RGS6: variants seen among roughly 807,000 people sequenced by gnomAD.
RGS6 encodes regulator of G protein signaling 6.
A neutral mutation model predicts 78.5 loss-of-function variants in RGS6; 30 were observed. The ratio of observed to expected loss-of-function variants is 0.38; its 90% CI spans 0.29 to 0.52. The LOEUF is 0.52. Ranked by LOEUF, RGS6 falls within the 20% of genes least tolerant of loss-of-function variation. The probability of loss-of-function intolerance (pLI) is 0.85; values close to 1 mark genes in which losing one functional copy is unlikely to be tolerated. For missense variants in RGS6, 495 were observed against 609.7 expected (o/e 0.81, Z 1.98); for synonymous variants, 206 against 206.0 (o/e 1.00, Z 0.00).
At chr14:72,321,773 A>C (rs1234286723) in intron 2 of RGS6, among the ~76,000 whole-genome samples, 1 of 152,050 alleles carries the variant, frequency 6.6e-6, no homozygotes, top group African/African-American at 2.4e-5. Flanking sequence ...AAATAGACCC[A>C]AAAGATGACA....
intron 2 of RGS6, among the ~76,000 whole-genome samples, chr14:72,042,132 T>TC (rs1555448965): frequency 8.6e-6 from 1 of 116,316 alleles, no homozygotes; most frequent in Non-Finnish European, 1.9e-5. Flanking sequence ...TCTTTTTCTT[T>TC]TTTTTTTTTT....
At chr14:71,891,081 C>T in the RGS6 span, among the ~76,000 whole-genome samples, 1 of 152,174 alleles carries the variant, frequency 6.6e-6, no homozygotes, top group African/African-American at 2.4e-5. Flanking sequence ...GACTGTTTGC[C>T]AGAACCTGCC....
chr14:72,251,773 G>T (rs2055847081), intron 2 of RGS6, among the ~76,000 whole-genome samples: 1 of 152,044 alleles, frequency 6.6e-6, no homozygotes, highest in African/African-American at 2.4e-5. Context: ...TCACTACCTG[G>T]GCAATAGGAT....
chr14:72,416,761 G>A (rs1448019948), intron 3 of RGS6, among the ~76,000 whole-genome samples: 2 of 152,230 alleles, frequency 1.3e-5, no homozygotes, highest in Non-Finnish European at 2.9e-5. Flanking sequence ...TCTAAAGAGT[G>A]TGGTTAAGAG....
chr14:72,619,622 TCTC>T, the RGS6 span, among the ~76,000 whole-genome samples: 1 of 152,086 alleles, frequency 6.6e-6, no homozygotes, highest in Non-Finnish European at 1.5e-5. Context: ...CTGCGCCAGT[TCTC>T]CTGGAAGCTC....
At chr14:72,091,150 G>T (rs1040725662) in intron 2 of RGS6, among the ~76,000 whole-genome samples, 1 of 151,868 alleles carries the variant, frequency 6.6e-6, no homozygotes, top group African/African-American at 2.4e-5. Flanking sequence ...CCACAGATCT[G>T]CAGTGCCCTT....
At chr14:72,469,294 C>T (rs1237466039) in intron 7 of RGS6, among the ~76,000 whole-genome samples, 1 of 151,646 alleles carries the variant, frequency 6.6e-6, no homozygotes, top group African/African-American at 2.4e-5. Context: ...AACCTCCCCA[C>T]CTCCCGGGTT....
At chr14:72,256,048 CACAG>C (rs2057010689) in intron 2 of RGS6, among the ~76,000 whole-genome samples, 1 of 152,162 alleles carries the variant, frequency 6.6e-6, no homozygotes. Context: ...TTGCCTGCTG[CACAG>C]ACAGAGCCAA....
At chr14:72,316,647 T>C (rs952148633) in intron 2 of RGS6, among the ~76,000 whole-genome samples, 1 of 152,186 alleles carries the variant, frequency 6.6e-6, no homozygotes, top group Non-Finnish European at 1.5e-5. Flanking sequence ...TGATGGACAT[T>C]TGGGTTGGTT....
intron 2 of RGS6, among the ~76,000 whole-genome samples, chr14:72,122,690 T>G (rs2096078998): frequency 6.6e-6 from 1 of 151,484 alleles, no homozygotes; most frequent in Non-Finnish European, 1.5e-5. Context: ...TCATTTCACC[T>G]CCTCTGTTCT....
intron 2 of RGS6, among the ~76,000 whole-genome samples, chr14:72,238,283 C>T (rs1344651314): frequency 2.6e-5 from 4 of 152,044 alleles, no homozygotes; most frequent in Admixed American, 6.6e-5. Context: ...AGAGGGGGAG[C>T]GGGTAGGCCA....
At chr14:72,036,609 A>C (rs2091750706) in intron 2 of RGS6, among the ~76,000 whole-genome samples, 3 of 152,086 alleles carry the variant, frequency 2.0e-5, no homozygotes, top group Admixed American at 6.6e-5. Flanking sequence ...TTATTTGCCG[A>C]CCCTACGTCC....
chr14:72,504,861 C>T (rs1056761614), intron 13 of RGS6, among the ~76,000 whole-genome samples: 1 of 151,250 alleles, frequency 6.6e-6, no homozygotes, highest in African/African-American at 2.4e-5. Flanking sequence ...TCAAGCAATT[C>T]TCCTTCCTGA....
chr14:72,379,807 TAGAA>T (rs774524411), intron 3 of RGS6, among the ~76,000 whole-genome samples: 19 of 151,854 alleles, frequency 1.3e-4, no homozygotes, highest in South Asian at 2.1e-4. Context: ...TTCACAGAAA[TAGAA>T]AGAATCATAA....
intron 2 of RGS6, among the ~76,000 whole-genome samples, chr14:72,092,172 C>T (rs2153503778): frequency 6.6e-6 from 1 of 151,874 alleles, no homozygotes; most frequent in East Asian, 2.0e-4. Context: ...ATTACAGGTG[C>T]ACGCCACCAC....
At chr14:72,608,335 T>A in the RGS6 span, among the ~76,000 whole-genome samples, 1 of 152,200 alleles carries the variant, frequency 6.6e-6, no homozygotes, top group African/African-American at 2.4e-5. Context: ...AGGAGTCCTA[T>A]ACCCACAGGC....
chr14:71,980,402 G>A (rs2094388565), intron 2 of RGS6, among the ~76,000 whole-genome samples: 2 of 151,506 alleles, frequency 1.3e-5, no homozygotes, highest in African/African-American at 2.4e-5. Context: ...GCTGGTACCG[G>A]TTGTTCTTTT....
At chr14:72,040,056 C>T (rs531718931) in intron 2 of RGS6, among the ~76,000 whole-genome samples, 1 of 152,010 alleles carries the variant, frequency 6.6e-6, no homozygotes, top group South Asian at 2.1e-4. Flanking sequence ...TCCAATCAAG[C>T]TTTCAAACTA....
chr14:72,390,839 G>A (rs1170238589), intron 3 of RGS6, among the ~76,000 whole-genome samples: 2 of 152,208 alleles, frequency 1.3e-5, no homozygotes, highest in Non-Finnish European at 2.9e-5. Context: ...AAATAGTGGT[G>A]AAATCAGAAG....
Sources: allele counts gnomAD v4.1 joint callset (sites outside exome capture counted in the v4.1 genomes callset), GRCh38; gene constraint gnomAD v4.1.1; transcripts MANE v1.5; gene names NCBI Gene and HGNC (gene_info 2026-07-23, HGNC 2026-07-21).